The following RREB1 variants were observed in gnomAD, a reference collection of about 807,000 sequenced individuals.
RREB1 encodes the protein ras responsive element binding protein 1, also known as ras-responsive element-binding protein 1.
Under a neutral mutation model 117.8 loss-of-function variants are expected in RREB1, and 27 were observed. That is an observed-to-expected ratio of 0.23 (90% CI 0.17 to 0.32). The LOEUF is 0.32. RREB1 is among the 10% of genes least tolerant of loss of function. The pLI, the probability that RREB1 is intolerant of heterozygous loss-of-function variation, is 1.00. For synonymous variants in RREB1, 1,298 were observed against 1,026.7 expected (o/e 1.26, Z -5.05); for missense variants, 2,577 against 2,378.2 (o/e 1.08, Z -1.74).
intron 1 of RREB1, among the ~76,000 whole-genome samples, chr6:7,163,470 C>T (rs1473791258): frequency 6.6e-6 from 1 of 152,128 alleles, no homozygotes; most frequent in Non-Finnish European, 1.5e-5. Context: ...TGGCTCACTG[C>T]AAGCTCTACC....
chr6:7,248,944 C>T lies in RREB1; in HGVS notation c.5205C>T (p.Ala1735=), dbSNP rs997802389. 8 of 1,496,422 alleles carry T rather than the reference C, an allele frequency of 5.3e-6. No homozygotes were observed. Among genetic ancestry groups the T allele is most frequent in the East Asian group, 4.9e-5 (2 of 40,760 alleles). 92.7% of individuals were successfully genotyped at this position (1,496,422 alleles called of 1,614,324 possible). ...CAATCCTGGCCACAGCTGATGGCGC[C>T]TCCCAGCTCGTGGGGATGGAGTGAC... ...AHPILATADG[A]SQLVGME The change falls in exon 13 of 13, where the codon GCC becomes GCT. Residue 1735 remains alanine, a synonymous_variant. Coordinates refer to ENST00000379938, the MANE Select transcript of RREB1 (RefSeq NM_001003699.4).
At chr6:7,199,270 C>T (rs553835785) in intron 6 of RREB1, among the ~76,000 whole-genome samples, 4 of 152,250 alleles carry the variant, frequency 2.6e-5, no homozygotes, top group Non-Finnish European at 4.4e-5. Context: ...TCACAAAATC[C>T]GTTAGAAGGA....
chr6:7,142,449 G>T (rs1280739700), intron 1 of RREB1, among the ~76,000 whole-genome samples: 1 of 152,216 alleles, frequency 6.6e-6, no homozygotes, highest in Non-Finnish European at 1.5e-5. Flanking sequence ...GCAGTTTCTC[G>T]ATGTTCTGTA....
At chr6:7,205,255 G>A (rs539268574) in intron 6 of RREB1, among the ~76,000 whole-genome samples, 3 of 152,284 alleles carry the variant, frequency 2.0e-5, no homozygotes, top group South Asian at 4.1e-4. Flanking sequence ...GATGGGACTC[G>A]GGGGTTTTTA....
chr6:7,247,492 G>A (rs1769159220), intron 12 of RREB1, among the ~76,000 whole-genome samples: 1 of 152,136 alleles, frequency 6.6e-6, no homozygotes, highest in East Asian at 1.9e-4. Context: ...TGCTGCCTCC[G>A]CCTCCCCATC....
Position 7,231,029 on chromosome 6 carries a change from C to T in RREB1, c.2930C>T (p.Pro977Leu), listed in dbSNP as rs748975720. 5.0e-6 allele frequency: 8 copies of T among 1,614,054 alleles called. No individual in the cohort carries two copies. In the Admixed American group the frequency reaches 5.0e-5, roughly 10 times the overall value. ...CCCTCTCCCTGCCCAGCACCCGGCC[C>T]TTCTCTTCCTGTAACTTTGGGGCCC... ...EQPSPCPAPG[P>L]SLPVTLGPSG... The change falls in exon 10 of 13, where the codon CCT becomes CTT. Residue 977 changes from proline to leucine, a missense_variant. Pro to Leu is a moderately conservative substitution (Grantham distance 98, BLOSUM62 -3). Coordinates refer to ENST00000379938, the MANE Select transcript of RREB1 (RefSeq NM_001003699.4).
At chr6:7,131,748 C>A (rs1305511425) in intron 1 of RREB1, among the ~76,000 whole-genome samples, 1 of 152,188 alleles carries the variant, frequency 6.6e-6, no homozygotes, top group Non-Finnish European at 1.5e-5. Context: ...CAAGTGTAAG[C>A]CACACGCCCG....
Position 7,123,362 on chromosome 6 carries a change from G to A in RREB1, c.-285+15302G>A, listed in dbSNP as rs547572703. Among the ~76,000 whole-genome samples, 124 of 151,932 alleles carry A rather than the reference G, an allele frequency of 8.2e-4. 3 individuals are homozygous for A. The South Asian group carries it at 0.012, about 14-fold the overall frequency. ...ATTTTAATGGAGACAGGGTTTCACTGTGTTGCCCAGGCTGGTCTCGAACTC... is the reference window on the plus strand; with the variant it reads ...ATTTTAATGGAGACAGGGTTTCACTATGTTGCCCAGGCTGGTCTCGAACTC... On this transcript the variant is annotated intron_variant, in intron 1 of 12. Coordinates refer to ENST00000379938, the MANE Select transcript of RREB1 (RefSeq NM_001003699.4).
At chr6:7,233,202 A>G (rs1447456738) in intron 10 of RREB1, among the ~76,000 whole-genome samples, 1 of 152,206 alleles carries the variant, frequency 6.6e-6, no homozygotes, top group African/African-American at 2.4e-5. Context: ...GGCCTGCCCA[A>G]AAATATTTTT....
At chr6:7,141,449 T>G (rs1762584804) in intron 1 of RREB1, among the ~76,000 whole-genome samples, 1 of 152,024 alleles carries the variant, frequency 6.6e-6, no homozygotes, top group Non-Finnish European at 1.5e-5. Context: ...AGAAGATGAG[T>G]GTGCTTGGAG....
At position 7,251,005 on chromosome 6, in the gene RREB1, G is replaced by C. The variant is rs1769384601; in HGVS notation, c.*2037G>C. On this transcript the variant is annotated 3_prime_UTR_variant, in exon 13 of 13. Coordinates refer to ENST00000379938, the MANE Select transcript of RREB1 (RefSeq NM_001003699.4). Reference sequence around the variant, plus strand: ...TATTATTATTACAGTTGTTATTGTTGTTTTTGTTGTTATTATTATTTGGGG... The same window carrying C: ...TATTATTATTACAGTTGTTATTGTTCTTTTTGTTGTTATTATTATTTGGGG... 6.6e-6 allele frequency: 1 copy of C among 151,806 alleles called. No individual in the cohort carries two copies. The highest frequency in any genetic ancestry group is 1.5e-5 in the Non-Finnish European group (1 of 67,962). 9.4% of individuals were successfully genotyped at this position (151,806 alleles called of 1,614,324 possible).
At chr6:7,214,967 C>G (rs1264483396) in intron 8 of RREB1, 1 of 152,246 alleles carries the variant, frequency 6.6e-6, no homozygotes, top group Non-Finnish European at 1.5e-5. Flanking sequence ...ACAAAGCTGC[C>G]TGTAGAGATG....
chr6:7,135,453 TC>T (rs1762312881), intron 1 of RREB1, among the ~76,000 whole-genome samples: 1 of 152,174 alleles, frequency 6.6e-6, no homozygotes, highest in South Asian at 2.1e-4. Context: ...AAACCTGACT[TC>T]ATTCTCTTGT....
intron 1 of RREB1, 63 bp from the exon 2 acceptor site, chr6:7,176,592 T>A (rs1764510631): frequency 6.5e-6 from 1 of 152,726 alleles, no homozygotes. Flanking sequence ...CCCGGTGATG[T>A]TGAGCAGAGG....
At chr6:7,207,959 G>T (rs1022113242) in intron 6 of RREB1, among the ~76,000 whole-genome samples, 1 of 152,146 alleles carries the variant, frequency 6.6e-6, no homozygotes, top group African/African-American at 2.4e-5. Context: ...CTTGTTGGTG[G>T]AAGTGTCCAA....
intron 4 of RREB1, among the ~76,000 whole-genome samples, chr6:7,186,810 C>G (rs932843829): frequency 6.6e-6 from 1 of 152,164 alleles, no homozygotes; most frequent in African/African-American, 2.4e-5. Context: ...GGTTGGCATT[C>G]CTATCAAAGT....
Position 7,231,380 on chromosome 6 carries a change from C to A in RREB1, c.3281C>A (p.Thr1094Asn), listed in dbSNP as rs1255961821. The change falls in exon 10 of 13, where the codon ACT (threonine) becomes AAT (asparagine). Residue 1094 changes from threonine (T) to asparagine (N), a missense_variant. Physicochemically the swap from Thr to Asn is moderately conservative, Grantham distance 65 (BLOSUM62 0). Transcript: ENST00000379938. ...GTGGCGGACCCAGGGCCCGCAAGCA[C>A]TGGCAGTAACACCACGGCTTCAGAC... Reference protein sequence around the residue: ...TKVADPGPASTGSNTTASDSL... With the variant: ...TKVADPGPASNGSNTTASDSL... 1 of 1,613,596 alleles carries A rather than the reference C, an allele frequency of 6.2e-7. No homozygotes were observed. The highest frequency in any genetic ancestry group is 1.3e-5 in the African/African-American group (1 of 75,024).
chr6:7,168,713 A>G (rs111747606), intron 1 of RREB1, among the ~76,000 whole-genome samples: 1,794 of 152,230 alleles, frequency 0.012, 20 homozygotes, highest in Non-Finnish European at 0.018. Context: ...TCTTGTCTCC[A>G]TTCTGTTAGC....
chr6:7,178,753 TTTAA>T (rs1764637219), intron 2 of RREB1, among the ~76,000 whole-genome samples: 1 of 152,206 alleles, frequency 6.6e-6, no homozygotes, highest in African/African-American at 2.4e-5. Context: ...TCTATTTTTT[TTTAA>T]TTGTTATTTA....
Sources: gnomAD v4.1 joint callset for allele counts (sites outside exome capture counted in the v4.1 genomes callset) on GRCh38, gnomAD v4.1.1 for gene constraint, MANE v1.5 for transcripts, NCBI Gene and HGNC (gene_info 2026-07-23, HGNC 2026-07-21) for gene names.